The following SLC9A9 variants were observed in gnomAD, a reference collection of about 807,000 sequenced individuals.
SLC9A9 encodes the protein solute carrier family 9 member A9.
SLC9A9 carries 62 observed loss-of-function variants against 77.8 expected under a neutral mutation model. That is an observed-to-expected ratio of 0.80 (90% CI 0.65 to 0.98). The LOEUF (loss-of-function observed/expected upper bound fraction) is 0.98, where lower values mean the gene tolerates loss of function less well. Among genes scored for constraint, SLC9A9 ranks in the 50% least tolerant of loss-of-function variants. SLC9A9 has a pLI of 0.00. For missense variants in SLC9A9, 775 were observed against 774.9 expected (o/e 1.00, Z 0.00); for synonymous variants, 320 against 283.5 (o/e 1.13, Z -1.29).
chr3:143,774,949 C>T (rs1017373241), intron 4 of SLC9A9, among the ~76,000 whole-genome samples: 3 of 152,132 alleles, frequency 2.0e-5, no homozygotes, highest in African/African-American at 4.8e-5. Context: ...TAGTGCTCCA[C>T]CACGAACCTT....
intron 12 of SLC9A9, among the ~76,000 whole-genome samples, chr3:143,386,149 G>T (rs2033420703): frequency 6.6e-6 from 1 of 152,182 alleles, no homozygotes; most frequent in Non-Finnish European, 1.5e-5. Flanking sequence ...CTGAGACTTG[G>T]AGTGAAGTAG....
intron 6 of SLC9A9, chr3:143,627,073 A>G (rs2108722384): frequency 6.6e-6 from 1 of 152,282 alleles, no homozygotes; most frequent in East Asian, 1.9e-4. Context: ...GGGTTTCACT[A>G]TATTGACCAG....
At chr3:143,492,060 G>A (rs140990873) in intron 11 of SLC9A9, among the ~76,000 whole-genome samples, 2,212 of 151,832 alleles carry the variant, frequency 0.015, 40 homozygotes, top group East Asian at 0.12. Context: ...TGGGAGGCCG[G>A]GGCGGGTGGA....
rs190407709 is a variant in SLC9A9 at position 143,696,620 on chromosome 3, A to G, written c.534-3313T>C. ...CTTGGCCCTTTGTCACTTGAACTAC[A>G]GTTCAAATATTGAATATCAATTGGT... On this transcript the variant is annotated intron_variant, in intron 4 of 15. Coordinates refer to ENST00000316549, the MANE Select transcript of SLC9A9 (RefSeq NM_173653.4). 1.6e-3 allele frequency among the ~76,000 whole-genome samples: 251 copies of G among 152,304 alleles called. 3 individuals are homozygous for G. Among genetic ancestry groups the G allele is most frequent in the South Asian group, 6.8e-3 (33 of 4,822 alleles).
chr3:143,813,727 G>A (rs572156880), intron 2 of SLC9A9, among the ~76,000 whole-genome samples: 13 of 152,198 alleles, frequency 8.5e-5, no homozygotes, highest in South Asian at 8.3e-4. Flanking sequence ...CTATTTATCC[G>A]CTGGCTACAA....
At chr3:143,556,118 C>T (rs557251319) in intron 8 of SLC9A9, among the ~76,000 whole-genome samples, 77 of 152,304 alleles carry the variant, frequency 5.1e-4, no homozygotes, top group African/African-American at 1.8e-3. Context: ...TGTTTTCTAC[C>T]TTATGAAAGA....
intron 4 of SLC9A9, among the ~76,000 whole-genome samples, chr3:143,747,232 C>T (rs967386901): frequency 2.6e-5 from 4 of 151,898 alleles, no homozygotes; most frequent in South Asian, 2.1e-4. Flanking sequence ...GGTGAAACCC[C>T]GTCTCTACTA....
intron 11 of SLC9A9, among the ~76,000 whole-genome samples, chr3:143,482,758 C>A (rs890404346): frequency 5.3e-5 from 8 of 152,206 alleles, no homozygotes; most frequent in Non-Finnish European, 1.2e-4. Context: ...GTGGACTGAT[C>A]TTTGTAATAT....
At chr3:143,442,469 C>G (rs1014751739) in intron 12 of SLC9A9, among the ~76,000 whole-genome samples, 4 of 152,130 alleles carry the variant, frequency 2.6e-5, no homozygotes, top group Non-Finnish European at 5.9e-5. Context: ...TGCCTGTAAT[C>G]CCAGCACTTT....
chr3:143,809,029 G>A (rs1215826601), intron 2 of SLC9A9, among the ~76,000 whole-genome samples: 1 of 152,286 alleles, frequency 6.6e-6, no homozygotes, highest in Admixed American at 6.5e-5. Flanking sequence ...CTTTCTAAGA[G>A]TATCAGGAAC....
At chr3:143,398,154 G>T (rs1013321236) in intron 12 of SLC9A9, among the ~76,000 whole-genome samples, 2 of 152,140 alleles carry the variant, frequency 1.3e-5, no homozygotes, top group Non-Finnish European at 2.9e-5. Context: ...GGGAAAGATG[G>T]TTTCTAAGAT....
At chr3:143,626,951 C>T (rs1035212665) in intron 6 of SLC9A9, 1 of 151,888 alleles carries the variant, frequency 6.6e-6, no homozygotes, top group Non-Finnish European at 1.5e-5. Flanking sequence ...CGTCTCACCA[C>T]AACCTCTGCC....
In SLC9A9 at chr3:143,832,073, T is replaced by A. The variant is rs2009450240; in HGVS notation, c.324A>T (p.Arg108Ser). ...GATTGATGTTGTGCTGACTTATTTC[T>A]CTTTTGTATTTATATTCATAAACTT... Reference protein sequence around the residue: ...TDQVYEYKYKREISQHNINPH... With the variant: ...TDQVYEYKYKSEISQHNINPH... The change falls in exon 2 of 16, where the codon AGA becomes AGT. Residue 108 changes from arginine (R) to serine (S), a missense_variant. Physicochemically the swap from Arg to Ser is moderately radical, Grantham distance 110 (BLOSUM62 -1). Transcript: ENST00000316549. 1.2e-6 allele frequency: 2 copies of A among 1,613,110 alleles called. No homozygotes were observed. The highest frequency in any genetic ancestry group is 1.7e-6 in the Non-Finnish European group (2 of 1,179,534).
At chr3:143,463,271 G>A (rs1262026630) in intron 12 of SLC9A9, among the ~76,000 whole-genome samples, 1 of 152,300 alleles carries the variant, frequency 6.6e-6, no homozygotes, top group South Asian at 2.1e-4. Flanking sequence ...CCCGGGGAAG[G>A]TTTGCACTGT....
At chr3:143,763,614 T>C (rs776949124) in intron 4 of SLC9A9, among the ~76,000 whole-genome samples, 2 of 152,140 alleles carry the variant, frequency 1.3e-5, no homozygotes, top group African/African-American at 2.4e-5. Flanking sequence ...TGTTTGTACA[T>C]GCCAGATTTT....
intron 14 of SLC9A9, among the ~76,000 whole-genome samples, chr3:143,340,016 C>T (rs2165518): frequency 0.53 from 80,021 of 151,984 alleles, 22,454 homozygotes; most frequent in African/African-American, 0.72. Flanking sequence ...GAACACAACA[C>T]GAGAACTTTT....
chr3:143,728,230 G>C (rs1330438348), intron 4 of SLC9A9, among the ~76,000 whole-genome samples: 1 of 152,170 alleles, frequency 6.6e-6, no homozygotes, highest in Admixed American at 6.5e-5. Flanking sequence ...CATGACTTGT[G>C]GTGAGGACAC....
chr3:143,413,405 T>A (rs36125349), intron 12 of SLC9A9, among the ~76,000 whole-genome samples: 49,011 of 151,884 alleles, frequency 0.32, 8,066 homozygotes, highest in Non-Finnish European at 0.35. Flanking sequence ...GTTTCAAAGG[T>A]GGCTCATTAT....
chr3:143,668,231 A>G (rs1202445502), intron 5 of SLC9A9, among the ~76,000 whole-genome samples: 1 of 150,922 alleles, frequency 6.6e-6, no homozygotes, highest in Admixed American at 6.6e-5. Context: ...TATCACAAGG[A>G]CAGAAAACCA....
Sources: allele counts gnomAD v4.1 joint callset (sites outside exome capture counted in the v4.1 genomes callset), GRCh38; gene constraint gnomAD v4.1.1; transcripts MANE v1.5; gene names NCBI Gene and HGNC (gene_info 2026-07-23, HGNC 2026-07-21).